Variants in ZNF20 observed in about 807,000 individuals in gnomAD.
The protein encoded by ZNF20 is zinc finger protein KOX13.
A neutral mutation model predicts 11.0 loss-of-function variants in ZNF20; 9 were observed. The ratio of observed to expected loss-of-function variants is 0.82; its 90% CI spans 0.49 to 1.43. The LOEUF is 1.43. ZNF20 is among the 40% of genes most tolerant of loss of function. The pLI is 0.00. For synonymous variants in ZNF20, 182 were observed against 213.0 expected, an observed-to-expected ratio of 0.85 and a Z score of 1.27; for missense variants, 528 against 640.8, an observed-to-expected ratio of 0.82 and a Z score of 1.90.
At chr19:12,135,644 A>G in intron 2 of ZNF20, 84 bp from the exon 3 acceptor site, 2 of 1,585,852 alleles carry the variant, frequency 1.3e-6, no homozygotes, top group Middle Eastern at 1.7e-4. Context: ...TTCATGGTAC[A>G]TGGTAGCCAT....
Position 12,132,656 on chromosome 19 carries a change from T to C in ZNF20, c.1530A>G (p.Gln510=). 6.2e-7 allele frequency: 1 copy of C among 1,613,936 alleles called. No individual in the cohort carries two copies. The highest frequency in any genetic ancestry group is 8.5e-7 in the Non-Finnish European group (1 of 1,179,966). The part of the protein sequence containing the change: ...HTGEKPYQCK[Q]CGKAFIRASS... ...TGGCACGAATAAAGGCTTTGCCACATTGCTTGCATTGATAGGGTTTCTCTC... is the reference window on the plus strand; with the variant it reads ...TGGCACGAATAAAGGCTTTGCCACACTGCTTGCATTGATAGGGTTTCTCTC... Residue 510 remains glutamine, a synonymous_variant, in exon 4 of 4, where the codon CAA becomes CAG. Coordinates refer to ENST00000334213, the MANE Select transcript of ZNF20 (RefSeq NM_021143.4).
At chr19:12,136,831 T>G (rs1334145247) in intron 1 of ZNF20, 17 of 441,192 alleles carry the variant, frequency 3.9e-5, no homozygotes, top group Non-Finnish European at 6.3e-5. Context: ...CAGCCAATTA[T>G]GCAAGTGGTC....
In ZNF20 at chr19:12,139,329, G is replaced by T. The variant is rs1375913038; in HGVS notation, c.3+851C>A. 6.6e-6 allele frequency among the ~76,000 whole-genome samples: 1 copy of T among 152,114 alleles called. No individual in the cohort carries two copies. The highest frequency in any genetic ancestry group is 1.5e-5 in the Non-Finnish European group (1 of 68,002). ...CCTTTGAGCCCCTGTGCTCAGCCCC[G>T]CTTGCACACTGTGGAGTGTTAAATC... On this transcript the variant is annotated intron_variant, in intron 1 of 3. Transcript: ENST00000334213. The surrounding 1 kb of genome is among the most constrained non-coding windows in gnomAD (Gnocchi z 4.0).
chr19:12,140,169 C>T lies in ZNF20; in HGVS notation c.3+11G>A, dbSNP rs773853991. ...CTCCCCCGTCTGGGGACTCCGGCCC[C>T]ATACACTCACCATTTCCCGGCTTCT... On this transcript the variant is annotated intron_variant, in intron 1 of 3. Coordinates refer to ENST00000334213, the MANE Select transcript of ZNF20 (RefSeq NM_021143.4). 1.9e-6 allele frequency: 3 copies of T among 1,601,682 alleles called. No homozygotes were observed. The highest frequency in any genetic ancestry group is 2.6e-6 in the Non-Finnish European group (3 of 1,173,966).
rs780243418 is a variant in ZNF20 at position 12,135,480 on chromosome 19, G to A, written c.200+20C>T. 31 of 1,612,488 alleles carry A rather than the reference G, an allele frequency of 1.9e-5. No homozygotes were observed. The highest frequency in any genetic ancestry group is 2.2e-5 in the Non-Finnish European group (26 of 1,178,740). ...TAAGATTTTCTAGAGGCATTGCCTT[G>A]TCTTGCGAGAGAAAATTACCTTAGA... On this transcript the variant is annotated intron_variant, in intron 3 of 3. Transcript: ENST00000334213.
At chr19:12,135,588 G>C (rs181452303) in intron 2 of ZNF20, 28 bp from the exon 3 acceptor site, 1 of 1,607,958 alleles carries the variant, frequency 6.2e-7, no homozygotes, top group Non-Finnish European at 8.5e-7. Context: ...AGAAAACACA[G>C]ATCCAGAATT....
chr19:12,134,312 G>A (rs956982704), intron 3 of ZNF20, among the ~76,000 whole-genome samples: 2 of 151,034 alleles, frequency 1.3e-5, no homozygotes, highest in African/African-American at 4.9e-5. Flanking sequence ...TGACAAGGGC[G>A]AAACTCTGTC....
At position 12,135,790 on chromosome 19, in the gene ZNF20, A is replaced by T. The variant is rs769567264; in HGVS notation, c.118T>A (p.Phe40Ile). The change falls in exon 2 of 4, where the codon TTC becomes ATC. Residue 40 changes from phenylalanine (F) to isoleucine (I), a missense_variant. Phe to Ile is a conservative substitution (Grantham distance 21, BLOSUM62 0). Transcript: ENST00000334213. Reference sequence around the variant, plus strand: ...TTACCTACAGAGGTCAGGTTCTTGAAGGTTTCCTGCATCACATCCCTGTAG... The same window carrying T: ...TTACCTACAGAGGTCAGGTTCTTGATGGTTTCCTGCATCACATCCCTGTAG... ...NLYRDVMQET[F>I]KNLTSVGKTW... The T allele has an allele frequency of 1.2e-6, 2 of 1,613,986 alleles. No individual in the cohort carries two copies. Among genetic ancestry groups the T allele is most frequent in the South Asian group, 1.1e-5 (1 of 91,060 alleles).
chr19:12,135,932 G>C, intron 1 of ZNF20, 28 bp from the exon 2 acceptor site: 4 of 1,610,942 alleles, frequency 2.5e-6, no homozygotes, highest in Non-Finnish European at 2.5e-6. Flanking sequence ...GGACAGGTAA[G>C]ACTAACAGCC....
At chr19:12,135,172 C>G (rs1217316843) in intron 3 of ZNF20, among the ~76,000 whole-genome samples, 3 of 149,588 alleles carry the variant, frequency 2.0e-5, no homozygotes, top group Non-Finnish European at 4.4e-5. Flanking sequence ...CGGAGTCTCG[C>G]TCTGTCACCC....
In ZNF20 at chr19:12,132,886, A is replaced by C; in HGVS notation, c.1300T>G (p.Tyr434Asp). 6.2e-7 allele frequency: 1 copy of C among 1,614,154 alleles called. No individual in the cohort carries two copies. The highest frequency in any genetic ancestry group is 8.5e-7 in the Non-Finnish European group (1 of 1,180,022). ...ECKQCGKAFR[Y>D]FSSLHIHERT... ...TCATGTATATGCAAGGAAGAGAAAT[A>C]CCTGAATGCTTTTCCACATTGCTTA... The change falls in exon 4 of 4, where the codon TAT (tyrosine) becomes GAT (aspartate). Residue 434 changes from tyrosine (Y) to aspartate (D), a missense_variant. Tyr to Asp is a radical substitution (Grantham distance 160). Transcript: ENST00000334213.
chr19:12,136,061 A>G, intron 1 of ZNF20, 157 bp from the exon 2 acceptor site: 1 of 959,426 alleles, frequency 1.0e-6, no homozygotes, highest in Non-Finnish European at 1.5e-6. Context: ...CCTCCCACAA[A>G]CCAACCCTTT....
chr19:12,138,286 C>T (rs1976743831), intron 1 of ZNF20, among the ~76,000 whole-genome samples: 1 of 151,942 alleles, frequency 6.6e-6, no homozygotes, highest in South Asian at 2.1e-4. Context: ...AACCCCATCT[C>T]TACTTAAAAT....
At chr19:12,136,519 T>TA (rs75332258) in intron 1 of ZNF20, among the ~76,000 whole-genome samples, 2,412 of 145,840 alleles carry the variant, frequency 0.017, 47 homozygotes, top group African/African-American at 0.053. Context: ...CTGTCTCTAT[T>TA]AAAAAAAAAA....
In ZNF20 at chr19:12,139,839, T is replaced by G. The variant is rs935182403; in HGVS notation, c.3+341A>C. On this transcript the variant is annotated intron_variant, in intron 1 of 3. Coordinates refer to ENST00000334213, the MANE Select transcript of ZNF20 (RefSeq NM_021143.4). This position sits in a 1 kb window ranked among gnomAD's most constrained non-coding sequence, Gnocchi z 4.0. Reference sequence around the variant, plus strand: ...TCCACCGCGCCCGGCCCAAACTCTTTAACAGAAAAAAAAATCCGCAGGATT... The same window carrying G: ...TCCACCGCGCCCGGCCCAAACTCTTGAACAGAAAAAAAAATCCGCAGGATT... Among the ~76,000 whole-genome samples the G allele has an allele frequency of 6.6e-6, 1 of 151,822 alleles. No homozygotes were observed. The highest frequency in any genetic ancestry group is 6.6e-5 in the Admixed American group (1 of 15,250).
chr19:12,134,918 A>G (rs1277194145), intron 3 of ZNF20, among the ~76,000 whole-genome samples: 1 of 151,936 alleles, frequency 6.6e-6, no homozygotes, highest in Non-Finnish European at 1.5e-5. Flanking sequence ...TGTTGTCCAA[A>G]TTGGAGTGTA....
rs1976659386 is a variant in ZNF20 at position 12,133,482 on chromosome 19, G to C, written c.704C>G (p.Ala235Gly). Residue 235 changes from alanine (A) to glycine (G), a missense_variant, in exon 4 of 4, where the codon GCC (alanine) becomes GGC (glycine). By Grantham distance (60) the Ala-to-Gly change is moderately conservative. Coordinates refer to ENST00000334213, the MANE Select transcript of ZNF20 (RefSeq NM_021143.4). Reference sequence around the variant, plus strand: ...TGGAAGGGTAGTGGAACGAGTAAAGGCCTTACCACATTGTTTACACTTATA... The same window carrying C: ...TGGAAGGGTAGTGGAACGAGTAAAGCCCTTACCACATTGTTTACACTTATA... ...KPYKCKQCGK[A>G]FTRSTTLPVH... 1 of 1,614,038 alleles carries C rather than the reference G, an allele frequency of 6.2e-7. No homozygotes were observed. The highest frequency in any genetic ancestry group is 1.3e-5 in the African/African-American group (1 of 74,914).
At chr19:12,136,907 A>G (rs1976720946) in intron 1 of ZNF20, 3 of 433,078 alleles carry the variant, frequency 6.9e-6, no homozygotes, top group African/African-American at 2.1e-5. Context: ...TTTGAAGCCC[A>G]TCATCTCCAT....
At position 12,133,037 on chromosome 19, in the gene ZNF20, T is replaced by C. The variant is rs1204627241; in HGVS notation, c.1149A>G (p.Gln383=). ...CTCCACTGTGCGTCCTTTCATGAAT[T>C]TGAAGTTGTGAAGCACATCTAAAGC... ...GKGFRCASQL[Q]IHERTHSGEK... is the part of the protein sequence containing the mutation. Residue 383 remains glutamine, a synonymous_variant, in exon 4 of 4, where the codon CAA becomes CAG. Coordinates refer to ENST00000334213, the MANE Select transcript of ZNF20 (RefSeq NM_021143.4). 1.2e-6 allele frequency: 2 copies of C among 1,614,114 alleles called. No individual in the cohort carries two copies. Among genetic ancestry groups the C allele is most frequent in the Non-Finnish European group, 1.7e-6 (2 of 1,179,962 alleles).
Sources: allele counts gnomAD v4.1 joint callset (sites outside exome capture counted in the v4.1 genomes callset), GRCh38; gene constraint gnomAD v4.1.1; non-coding constraint Gnocchi (gnomAD v3.1); transcripts MANE v1.5; gene names NCBI Gene and HGNC (gene_info 2026-07-23, HGNC 2026-07-21).